CHTF18: variants seen among roughly 807,000 people sequenced by gnomAD.
CHTF18 encodes the protein chromosome transmission fidelity factor 18, also known as chromosome transmission fidelity protein 18 homolog.
Under a neutral mutation model 113.4 loss-of-function variants are expected in CHTF18, and 151 were observed. The ratio of observed to expected loss-of-function variants is 1.33; its 90% CI spans 1.17 to 1.52. The LOEUF (loss-of-function observed/expected upper bound fraction) is 1.52, where lower values mean the gene tolerates loss of function less well. CHTF18 is among the 40% of genes most tolerant of loss of function. CHTF18 has a pLI of 0.00. For missense variants in CHTF18, 1,982 were observed against 1,381.6 expected, an observed-to-expected ratio of 1.43 and a Z score of -6.89; for synonymous variants, 916 against 598.8, an observed-to-expected ratio of 1.53 and a Z score of -7.74.
At chr16:796,153 G>T in intron 18 of CHTF18, 76 bp downstream of exon 18, 1 of 1,527,368 alleles carries the variant, frequency 6.5e-7, no homozygotes, top group Non-Finnish European at 8.8e-7. Context: ...GCCCGCATGG[G>T]GCCAGGAGTC....
Position 791,642 on chromosome 16 carries a change from T to C in CHTF18, c.1105-209T>C, listed in dbSNP as rs116027203. ...CCAGTCACACTGGTATCAGCTGTGT[T>C]TTGTCTGCACGAACTTTGCTTTGTG... On this transcript the variant is annotated intron_variant, in intron 8 of 21. Coordinates refer to ENST00000262315, the MANE Select transcript of CHTF18 (RefSeq NM_022092.3). The C allele has an allele frequency of 2.8e-4, 406 of 1,429,524 alleles. 1 individual carries two copies. The African/African-American group carries it at 5.2e-3, about 18-fold the overall frequency. The allele number at this position is 1,429,524 out of a possible 1,614,324, so 88.6% of individuals were successfully genotyped here. A position where few individuals can be genotyped will look rare whatever the true frequency, so the allele number is the denominator to read the frequency against.
In CHTF18 at chr16:796,843, G is replaced by A. The variant is rs370208232; in HGVS notation, c.2583G>A (p.Arg861=). 7 of 1,606,128 alleles carry A rather than the reference G, an allele frequency of 4.4e-6. No individual in the cohort carries two copies. The highest frequency in any genetic ancestry group is 5.9e-6 in the Non-Finnish European group (7 of 1,177,484). The part of the protein sequence containing the change: ...EKMRRAEASA[R]VENSPQVDGS... Reference sequence around the variant, plus strand: ...TGCGGCGGGCGGAGGCTTCTGCCCGGGTAGAGAACAGCCCCCAGGTGAGCC... The same window carrying A: ...TGCGGCGGGCGGAGGCTTCTGCCCGAGTAGAGAACAGCCCCCAGGTGAGCC... Residue 861 remains arginine (R), a synonymous_variant, in exon 19 of 22, where the codon CGG becomes CGA. Transcript: ENST00000262315.
chr16:791,834 A>C lies in CHTF18; in HGVS notation c.1105-17A>C. ...TAGGTGCGGTGCACACTACGCCTTC[A>C]TCTACCTGGGCTGCAGGTGGCACTG... On this transcript the variant is annotated splice_polypyrimidine_tract_variant and intron_variant, in intron 8 of 21. Coordinates refer to ENST00000262315, the MANE Select transcript of CHTF18 (RefSeq NM_022092.3). 6.3e-7 allele frequency: 1 copy of C among 1,590,502 alleles called. No individual in the cohort carries two copies. Among genetic ancestry groups the C allele is most frequent in the Non-Finnish European group, 8.5e-7 (1 of 1,169,700 alleles).
chr16:796,122 C>A (rs770011293), intron 18 of CHTF18, 45 bp downstream of exon 18: 2 of 1,568,966 alleles, frequency 1.3e-6, no homozygotes, highest in African/African-American at 1.4e-5. Flanking sequence ...TCATGCTCCC[C>A]GGCTGTGCTC....
rs767390077 is a variant in CHTF18 at position 795,725 on chromosome 16, C to T, written c.2216C>T (p.Thr739Met). Residue 739 changes from threonine to methionine, a missense_variant, in exon 17 of 22, where the codon ACG (threonine) becomes ATG (methionine). Coordinates refer to ENST00000262315, the MANE Select transcript of CHTF18 (RefSeq NM_022092.3). ...AGCCAGATGAGGAACCTGATCCAGA[C>T]GCTGGTGTCCGGCATCGCGCCAGCC... The part of the protein sequence containing the change: ...RMSQMRNLIQ[T>M]LVSGIAPATR... The T allele has an allele frequency of 4.0e-5, 64 of 1,606,820 alleles. No individual in the cohort carries two copies. The East Asian group carries it at 6.7e-4, about 17-fold the overall frequency.
chr16:793,629 G>A (rs1476676786), intron 14 of CHTF18: 3 of 530,624 alleles, frequency 5.7e-6, no homozygotes, highest in Non-Finnish European at 1.0e-5. Context: ...GCCCCTGCCT[G>A]CCCACACTGC....
In CHTF18 at chr16:792,826, A is replaced by AGCCCCG; in HGVS notation, c.1572+16_1572+17insCCCCGG. Reference sequence around the variant, plus strand: ...GGCTCCAGGAGGTCGGTGGAGCCCCAGGAGCCGTGTGGCTGATGGCGGGGT... The same window carrying AGCCCCG: ...GGCTCCAGGAGGTCGGTGGAGCCCCAGCCCCGGGAGCCGTGTGGCTGATGGCGGGGT... On this transcript the variant is annotated intron_variant, in intron 12 of 21. Coordinates refer to ENST00000262315, the MANE Select transcript of CHTF18 (RefSeq NM_022092.3). 3 of 1,538,718 alleles carry AGCCCCG rather than the reference A, an allele frequency of 1.9e-6. No individual in the cohort carries two copies. The highest frequency in any genetic ancestry group is 1.7e-6 in the Non-Finnish European group (2 of 1,145,832).
chr16:792,515 C>T lies in CHTF18; in HGVS notation c.1403C>T (p.Pro468Leu), dbSNP rs2042226603. 1.9e-6 allele frequency: 3 copies of T among 1,592,342 alleles called. No homozygotes were observed. The highest frequency in any genetic ancestry group is 2.6e-6 in the Non-Finnish European group (3 of 1,172,910). Residue 468 changes from proline to leucine, a missense_variant, in exon 11 of 22, where the codon CCT becomes CTT. Transcript: ENST00000262315. ...GTGGGGCCACAGGGCCCGGCTGTGC[C>T]TTCGGGAGGCGGCCGACGGCGCCGG... ...QEVGPQGPAV[P>L]SGGGRRRRAE...
rs942037375 is a variant in CHTF18 at position 794,226 on chromosome 16, T to A, written c.1950+25T>A. 3 of 1,604,734 alleles carry A rather than the reference T, an allele frequency of 1.9e-6. No homozygotes were observed. In the African/African-American group the frequency reaches 4.0e-5, roughly 21 times the overall value. On this transcript the variant is annotated intron_variant, in intron 15 of 21. Coordinates refer to ENST00000262315, the MANE Select transcript of CHTF18 (RefSeq NM_022092.3). ...GGTACCTGTCTTCCACCAAAATGCC[T>A]GCCTGGGGCCGCCTGGCTAGGACCT...
At chr16:795,490 G>C (rs1440090736) in intron 16 of CHTF18, 134 bp downstream of exon 16, 73 of 168,334 alleles carry the variant, frequency 4.3e-4, no homozygotes, top group Non-Finnish European at 6.5e-4. Context: ...CCCCGTGCCC[G>C]CCCCCCCAAA....
chr16:792,883 C>G (rs2042238524), intron 12 of CHTF18, 72 bp downstream of exon 12: 2 of 1,529,182 alleles, frequency 1.3e-6, no homozygotes, highest in African/African-American at 2.7e-5. Flanking sequence ...GCCCCTGTTT[C>G]CCTGCCCCTC....
rs371219981 is a variant in CHTF18 at position 792,254 on chromosome 16, A to G, written c.1233A>G (p.Thr411=). 4.5e-6 allele frequency: 7 copies of G among 1,566,186 alleles called. No individual in the cohort carries two copies. The African/African-American group carries it at 8.2e-5, about 18-fold the overall frequency. Residue 411 remains threonine, a synonymous_variant, in exon 10 of 22, where the codon ACA becomes ACG. Transcript: ENST00000262315. ...SDDRSPEVFR[T]RIEAATQMES... ...ACCGTAGCCCGGAGGTCTTCCGCAC[A>G]CGCATCGAGGCGGCCACCCAGATGG...
At chr16:797,662 C>G (rs749099467) in intron 20 of CHTF18, 32 bp from the exon 21 acceptor site, 29 of 1,609,552 alleles carry the variant, frequency 1.8e-5, no homozygotes, top group Admixed American at 1.5e-4. Context: ...GGCATCTGTC[C>G]TATACGACTG....
chr16:790,624 T>G lies in CHTF18; in HGVS notation c.852T>G (p.Asp284Glu). The change falls in exon 7 of 22, where the codon GAT (aspartate) becomes GAG (glutamate). Residue 284 changes from aspartate (D) to glutamate (E), a missense_variant. Asp to Glu is a conservative substitution (Grantham distance 45, BLOSUM62 2). Transcript: ENST00000262315. ...QDASSHCLWV[D>E]EFAPRHYTEL... ...CCTCCAGTCACTGCCTCTGGGTGGA[T>G]GAGTTTGCACCCCGCCACTACACGG... 1.9e-6 allele frequency: 3 copies of G among 1,589,380 alleles called. No homozygotes were observed. The highest frequency in any genetic ancestry group is 1.7e-5 in the Admixed American group (1 of 57,560).
chr16:796,995 T>C lies in CHTF18; in HGVS notation c.2636T>C (p.Leu879Pro), dbSNP rs1045680900. 2 of 1,542,330 alleles carry C rather than the reference T, an allele frequency of 1.3e-6. No homozygotes were observed. Among genetic ancestry groups the C allele is most frequent in the Non-Finnish European group, 1.7e-6 (2 of 1,143,724 alleles). The change falls in exon 20 of 22, where the codon CTG becomes CCG. Residue 879 changes from leucine (L) to proline (P), a missense_variant. Coordinates refer to ENST00000262315, the MANE Select transcript of CHTF18 (RefSeq NM_022092.3). ...DGSPPGLEGL[L>P]GGIGEKGVHR... ...AGCCCCCCAGGGCTCGAGGGTCTGCTGGGGGGCATTGGGGAGAAAGGGGTG... is the reference window on the plus strand; with the variant it reads ...AGCCCCCCAGGGCTCGAGGGTCTGCCGGGGGGCATTGGGGAGAAAGGGGTG...
chr16:789,923 G>T (rs549435502), intron 4 of CHTF18: 2 of 1,478,302 alleles, frequency 1.4e-6, no homozygotes, highest in East Asian at 5.0e-5. Flanking sequence ...GTATGGCCTC[G>T]GGTGGAGAGG....
In CHTF18 at chr16:796,656, G is replaced by A. The variant is rs1398155685; in HGVS notation, c.2457-61G>A. 20 of 1,497,832 alleles carry A rather than the reference G, an allele frequency of 1.3e-5. No homozygotes were observed. In the African/African-American group the frequency reaches 2.4e-4, roughly 18 times the overall value. The allele number at this position is 1,497,832 out of a possible 1,614,324, so 92.8% of individuals were successfully genotyped here. ...GGGGTTTGCGGTTGGAGTGCCCGGC[G>A]GCTCTCTGGCCCTGAGCCTGGCCCC... On this transcript the variant is annotated intron_variant, in intron 18 of 21. Coordinates refer to ENST00000262315, the MANE Select transcript of CHTF18 (RefSeq NM_022092.3).
intron 6 of CHTF18, 59 bp from the exon 7 acceptor site, chr16:790,466 C>T (rs1053569846): frequency 2.1e-5 from 34 of 1,609,248 alleles, no homozygotes; most frequent in African/African-American, 1.2e-4. Context: ...TAGCTCCTAG[C>T]GTGTGGGTTG....
Position 790,583 on chromosome 16 carries a change from A to C in CHTF18, c.811A>C (p.Thr271Pro). The C allele has an allele frequency of 6.3e-7, 1 of 1,596,884 alleles. No individual in the cohort carries two copies. Residue 271 changes from threonine (T) to proline (P), a missense_variant, in exon 7 of 22, where the codon ACT becomes CCT. Thr to Pro is a conservative substitution (Grantham distance 38). Transcript: ENST00000262315. ...CTTGGGGGCCCCTGAGGAGGAGCCG[A>C]CTGACGGTCAAGACGCCTCCAGTCA... The part of the protein sequence containing the change: ...QPLGAPEEEP[T>P]DGQDASSHCL...
Sources: allele counts gnomAD v4.1 joint callset, GRCh38; gene constraint gnomAD v4.1.1; transcripts MANE v1.5; gene names NCBI Gene and HGNC (gene_info 2026-07-23, HGNC 2026-07-21).